The following NAV3 variants were observed in gnomAD, a reference collection of about 807,000 sequenced individuals.
NAV3 encodes neuron navigator 3.
A neutral mutation model predicts 244.7 loss-of-function variants in NAV3; 87 were observed. That is an observed-to-expected ratio of 0.36 (90% CI 0.30 to 0.42). NAV3 has a LOEUF of 0.42. NAV3 is among the 20% of genes least tolerant of loss of function. The pLI, the probability that NAV3 is intolerant of heterozygous loss-of-function variation, is 1.00. For missense variants in NAV3, 2,663 were observed against 2,893.3 expected (o/e 0.92, Z 1.83); for synonymous variants, 1,126 against 1,042.2 (o/e 1.08, Z -1.55).
At chr12:77,624,086 G>C (rs1871506762) in intron 2 of NAV3, among the ~76,000 whole-genome samples, 1 of 152,180 alleles carries the variant, frequency 6.6e-6, no homozygotes, top group African/African-American at 2.4e-5. Context: ...AGCTCAGTAA[G>C]CACCAGAAAA....
chr12:77,897,780 A>C (rs959700853), intron 1 of NAV3, among the ~76,000 whole-genome samples: 1 of 151,318 alleles, frequency 6.6e-6, no homozygotes, highest in Non-Finnish European at 1.5e-5. Context: ...ATTCATTGGC[A>C]TGCTTGCTAC....
At chr12:77,938,368 G>A (rs909948456) in intron 1 of NAV3, among the ~76,000 whole-genome samples, 2 of 152,124 alleles carry the variant, frequency 1.3e-5, no homozygotes, top group African/African-American at 2.4e-5. Flanking sequence ...TAATTCAGGA[G>A]ACAGTTATGC....
intron 2 of NAV3, among the ~76,000 whole-genome samples, chr12:77,784,586 A>G (rs1036185676): frequency 2.0e-5 from 3 of 152,136 alleles, no homozygotes; most frequent in Non-Finnish European, 4.4e-5. Context: ...TTGGACAGAG[A>G]AGAAGGATAG....
chr12:78,181,147 A>C (rs75947805), intron 30 of NAV3, 102 bp downstream of exon 30: 1 of 1,021,054 alleles, frequency 9.8e-7, no homozygotes, highest in African/African-American at 1.6e-5. Context: ...AAAATGTTAC[A>C]CTCTAATTCT....
intron 2 of NAV3, among the ~76,000 whole-genome samples, chr12:77,742,402 C>A (rs1868353325): frequency 1.3e-5 from 2 of 151,988 alleles, no homozygotes; most frequent in African/African-American, 4.8e-5. Context: ...TTGAACTGTG[C>A]AGGTCCACTT....
At chr12:78,058,332 G>C (rs1593422058) in intron 11 of NAV3, among the ~76,000 whole-genome samples, 1 of 152,166 alleles carries the variant, frequency 6.6e-6, no homozygotes, top group Non-Finnish European at 1.5e-5. Context: ...CCGCAGGCAA[G>C]AGAGCTTGTG....
intron 2 of NAV3, among the ~76,000 whole-genome samples, chr12:77,609,435 T>C (rs1870813614): frequency 6.6e-6 from 1 of 152,110 alleles, no homozygotes; most frequent in Non-Finnish European, 1.5e-5. Context: ...TTATTCCTTC[T>C]AGTTGATTCT....
chr12:78,090,388 C>T (rs1171180248), intron 12 of NAV3, among the ~76,000 whole-genome samples: 1 of 151,644 alleles, frequency 6.6e-6, no homozygotes, highest in Non-Finnish European at 1.5e-5. Context: ...GCAGTTTATC[C>T]AAATTCTAAT....
At chr12:77,891,083 T>C (rs1287227732) in intron 1 of NAV3, among the ~76,000 whole-genome samples, 2 of 152,042 alleles carry the variant, frequency 1.3e-5, no homozygotes, top group Non-Finnish European at 2.9e-5. Flanking sequence ...CATGATGAAA[T>C]ATTAGAAGTT....
intron 1 of NAV3, among the ~76,000 whole-genome samples, chr12:77,911,876 T>C (rs948953848): frequency 6.6e-6 from 1 of 152,062 alleles, no homozygotes; most frequent in Non-Finnish European, 1.5e-5. Flanking sequence ...TTTTTTTAAC[T>C]CCAGGGTGTT....
intron 33 of NAV3, among the ~76,000 whole-genome samples, 195 bp from the exon 34 acceptor site, chr12:78,189,789 T>G (rs1958893283): frequency 6.6e-6 from 1 of 151,914 alleles, no homozygotes. Context: ...GTTTAGATGT[T>G]CACTCTGCCA....
chr12:77,987,658 A>G (rs946775604), intron 5 of NAV3, among the ~76,000 whole-genome samples: 4 of 152,192 alleles, frequency 2.6e-5, no homozygotes, highest in African/African-American at 9.6e-5. Context: ...GAATGAAAAA[A>G]AAAATTAACA....
chr12:78,208,497 A>T, intron 39 of NAV3, among the ~76,000 whole-genome samples: 1 of 152,200 alleles, frequency 6.6e-6, no homozygotes. Flanking sequence ...GAGAATTGTG[A>T]TGTATCACGA....
chr12:77,658,123 G>C (rs905486404), intron 2 of NAV3, among the ~76,000 whole-genome samples: 14 of 152,096 alleles, frequency 9.2e-5, no homozygotes, highest in Non-Finnish European at 1.5e-4. Context: ...TTAGGCAGGA[G>C]AAAGAAATAA....
chr12:77,962,216 T>C (rs1451448641), intron 3 of NAV3, among the ~76,000 whole-genome samples: 1 of 152,134 alleles, frequency 6.6e-6, no homozygotes, highest in East Asian at 1.9e-4. Context: ...TCCTCTTCTT[T>C]TATGTCTACA....
intron 2 of NAV3, among the ~76,000 whole-genome samples, chr12:77,661,483 T>G (rs897849218): frequency 6.6e-6 from 1 of 152,128 alleles, no homozygotes; most frequent in Non-Finnish European, 1.5e-5. Flanking sequence ...TGCCAGTGTT[T>G]TCACTCACTC....
intron 1 of NAV3, among the ~76,000 whole-genome samples, chr12:77,917,780 CTGTT>C (rs1887300498): frequency 1.3e-5 from 2 of 152,138 alleles, no homozygotes; most frequent in African/African-American, 2.4e-5. Context: ...TAAACATTAA[CTGTT>C]TGTTTGAAGA....
chr12:77,655,607 G>A (rs1172763844), intron 2 of NAV3, among the ~76,000 whole-genome samples: 12 of 152,016 alleles, frequency 7.9e-5, no homozygotes, highest in South Asian at 2.1e-4. Context: ...TACAGAGAAC[G>A]CCACAAAGAT....
At chr12:77,973,959 TAGAG>T (rs1893231978) in intron 5 of NAV3, among the ~76,000 whole-genome samples, 1 of 148,836 alleles carries the variant, frequency 6.7e-6, no homozygotes, top group Non-Finnish European at 1.5e-5. Context: ...TTTTTATCTC[TAGAG>T]AGAAATAATT....
Sources: allele counts gnomAD v4.1 joint callset (sites outside exome capture counted in the v4.1 genomes callset), GRCh38; gene constraint gnomAD v4.1.1; transcripts MANE v1.5; gene names NCBI Gene and HGNC (gene_info 2026-07-23, HGNC 2026-07-21).